Variants in HIC2 observed in about 807,000 individuals in gnomAD.
The protein encoded by HIC2 is hypermethylated in cancer 2 protein.
A neutral mutation model predicts 39.5 loss-of-function variants in HIC2; 2 were observed. The observed-to-expected ratio is 0.05, with a 90% confidence interval of 0.02 to 0.16. HIC2 has a LOEUF of 0.16. Ranked by LOEUF, HIC2 falls within the 10% of genes least tolerant of loss-of-function variation. The pLI, the probability that HIC2 is intolerant of heterozygous loss-of-function variation, is 1.00. For missense variants in HIC2, 713 were observed against 863.5 expected (o/e 0.83, Z 2.18); for synonymous variants, 399 against 368.8 (o/e 1.08, Z -0.94).
chr22:21,450,194 G>A lies in HIC2; in HGVS notation c.*3451G>A, dbSNP rs528327460. ...GGCTCCGCCACTGCATGCTCCCGCC[G>A]GACCGAGCCCCAGCAAGGGCTCCTC... is the stretch of plus-strand genomic sequence containing the variant. On this transcript the variant is annotated 3_prime_UTR_variant, in exon 3 of 3. Transcript: ENST00000407464. 3.3e-5 allele frequency: 5 copies of A among 152,316 alleles called. No individual in the cohort carries two copies. The highest frequency in any genetic ancestry group is 1.9e-4 in the East Asian group (1 of 5,260). 9.4% of individuals were successfully genotyped at this position (152,316 alleles called of 1,614,324 possible). A position where few individuals can be genotyped will look rare whatever the true frequency, so the allele number is the denominator to read the frequency against.
At position 21,445,231 on chromosome 22, in the gene HIC2, C is replaced by T. The variant is rs977978977; in HGVS notation, c.336C>T (p.Ala112=). Reference sequence around the variant, plus strand: ...AGCTGCTGCCCAGCGACCAGCCAGCCGAGCCCAACTTCAGCACCCTCCTCA... The same window carrying T: ...AGCTGCTGCCCAGCGACCAGCCAGCTGAGCCCAACTTCAGCACCCTCCTCA... ...TGKLLPSDQP[A]EPNFSTLLTA... The change falls in exon 3 of 3, where the codon GCC becomes GCT. Residue 112 remains alanine, a synonymous_variant. Transcript: ENST00000407464. The T allele has an allele frequency of 1.3e-5, 21 of 1,613,548 alleles. No homozygotes were observed. The highest frequency in any genetic ancestry group is 1.6e-4 in the Middle Eastern group (1 of 6,084).
rs1291462821 is a variant in HIC2, at chr22:21,447,459, G to A, written c.*716G>A. The A allele has an allele frequency of 6.5e-6, 1 of 152,680 alleles. No individual in the cohort carries two copies. The highest frequency in any genetic ancestry group is 2.4e-5 in the African/African-American group (1 of 41,446). The allele number at this position is 152,680 out of a possible 1,614,324, so 9.5% of individuals were successfully genotyped here. On this transcript the variant is annotated 3_prime_UTR_variant, in exon 3 of 3. Coordinates refer to ENST00000407464, the MANE Select transcript of HIC2 (RefSeq NM_015094.3). ...GGTCTGAAGACTGAATGTAACAGGGGCCGCTGGCACTCCTGCGCGTCCCCC... is the reference window on the plus strand; with the variant it reads ...GGTCTGAAGACTGAATGTAACAGGGACCGCTGGCACTCCTGCGCGTCCCCC...
At chr22:21,430,866 A>G (rs1234236476) in intron 1 of HIC2, among the ~76,000 whole-genome samples, 1 of 111,062 alleles carries the variant, frequency 9.0e-6, no homozygotes, top group Non-Finnish European at 1.7e-5. Context: ...GGAAGACTCA[A>G]AAAAAAAAAA....
At chr22:21,444,185 C>G (rs754721193) in intron 2 of HIC2, among the ~76,000 whole-genome samples, 8 of 152,234 alleles carry the variant, frequency 5.3e-5, no homozygotes, top group Non-Finnish European at 8.8e-5. Flanking sequence ...TGGAGGCCAG[C>G]TGTCCACCTT....
chr22:21,448,612 T>C lies in HIC2; in HGVS notation c.*1869T>C, dbSNP rs978488587. On this transcript the variant is annotated 3_prime_UTR_variant, in exon 3 of 3. Transcript: ENST00000407464. ...CAGAGTCATCCCCTACCCCCACCCCTCTAGAGACCCTCCAGCTAAAAACAG... is the reference window on the plus strand; with the variant it reads ...CAGAGTCATCCCCTACCCCCACCCCCCTAGAGACCCTCCAGCTAAAAACAG... The C allele has an allele frequency of 6.6e-6, 1 of 152,190 alleles. No homozygotes were observed. Among genetic ancestry groups the C allele is most frequent in the Non-Finnish European group, 1.5e-5 (1 of 67,946 alleles). The allele number at this position is 152,190 out of a possible 1,614,324, so 9.4% of individuals were successfully genotyped here.
In HIC2 at chr22:21,445,348, G is replaced by T; in HGVS notation, c.453G>T (p.Ala151=). The change falls in exon 3 of 3, where the codon GCG becomes GCT. Residue 151 remains alanine (A), a synonymous_variant. Coordinates refer to ENST00000407464, the MANE Select transcript of HIC2 (RefSeq NM_015094.3). Reference sequence around the variant, plus strand: ...GCAAGCCCTTTGGCTCTGGGAGGGCGGGGTCCACTGGCATGGGGCGGCCCC... The same window carrying T: ...GCAAGCCCTTTGGCTCTGGGAGGGCTGGGTCCACTGGCATGGGGCGGCCCC... ...RAGKPFGSGR[A]GSTGMGRPPR... is the part of the protein sequence containing the mutation. 6.3e-7 allele frequency: 1 copy of T among 1,579,220 alleles called. No homozygotes were observed. The highest frequency in any genetic ancestry group is 1.2e-5 in the South Asian group (1 of 84,084).
Position 21,445,117 on chromosome 22 carries a change from G to C in HIC2, c.222G>C (p.Leu74=), listed in dbSNP as rs756781138. The change falls in exon 3 of 3, where the codon CTG becomes CTC. Residue 74 remains leucine (L), a synonymous_variant. Transcript: ENST00000407464. ...LAASSIYFKS[L]VLHDNLINLD... is the part of the protein sequence containing the mutation. Reference sequence around the variant, plus strand: ...CCAGCAGCATCTATTTCAAGTCCCTGGTCCTGCACGACAACCTCATCAACC... The same window carrying C: ...CCAGCAGCATCTATTTCAAGTCCCTCGTCCTGCACGACAACCTCATCAACC... 2 of 1,614,196 alleles carry C rather than the reference G, an allele frequency of 1.2e-6. No individual in the cohort carries two copies.
In HIC2 at chr22:21,445,760, G is replaced by A. The variant is rs138601828; in HGVS notation, c.865G>A (p.Val289Ile). Reference sequence around the variant, plus strand: ...GCCCCCTGCGGCCTCTGCTCCTCCCGTTGCCAACAGTGCCTCTTATTCTGA... The same window carrying A: ...GCCCCCTGCGGCCTCTGCTCCTCCCATTGCCAACAGTGCCTCTTATTCTGA... ...GSPPAASAPP[V>I]ANSASYSELG... is the part of the protein sequence containing the mutation. Residue 289 changes from valine to isoleucine, a missense_variant, in exon 3 of 3, where the codon GTT becomes ATT. By Grantham distance (29) the Val-to-Ile change is conservative. Coordinates refer to ENST00000407464, the MANE Select transcript of HIC2 (RefSeq NM_015094.3). 6,153 of 1,608,738 alleles carry A rather than the reference G, an allele frequency of 3.8e-3. 42 individuals are homozygous for A. Among genetic ancestry groups the A allele is most frequent in the Middle Eastern group, 0.021 (128 of 6,014 alleles).
rs1568943097 is a variant in HIC2, at chr22:21,444,988, G to A, written c.93G>A (p.Gln31=). 2.5e-6 allele frequency: 4 copies of A among 1,613,996 alleles called. No homozygotes were observed. In the East Asian group the frequency reaches 6.7e-5, roughly 27 times the overall value. The change falls in exon 3 of 3, where the codon CAG becomes CAA. Residue 31 remains glutamine, a synonymous_variant. Transcript: ENST00000407464. ...TGGAGCTGCCCAGCCACTCGAAGCA[G>A]CTCCTGCTGCAGCTGAACCAGCAGA... ...PDMELPSHSK[Q]LLLQLNQQRT...
intron 1 of HIC2, 126 bp downstream of exon 1, chr22:21,417,686 G>A (rs1387881603): frequency 1.4e-5 from 2 of 145,910 alleles, no homozygotes; most frequent in African/African-American, 2.5e-5. Flanking sequence ...GACTGCGCGC[G>A]TGGGGGACGC....
At position 21,446,113 on chromosome 22, in the gene HIC2, T is replaced by G; in HGVS notation, c.1218T>G (p.Ser406Arg). ...AGGAGGAGAACGGCAAGGATGCAAGTGAAGACAGTGCGCAGAGCGGGAGCG... is the reference window on the plus strand; with the variant it reads ...AGGAGGAGAACGGCAAGGATGCAAGGGAAGACAGTGCGCAGAGCGGGAGCG... Reference protein sequence around the residue: ...KEEEENGKDASEDSAQSGSEG... With the variant: ...KEEEENGKDAREDSAQSGSEG... The change falls in exon 3 of 3, where the codon AGT (serine) becomes AGG (arginine). Residue 406 changes from serine to arginine, a missense_variant. Ser to Arg is a moderately radical substitution (Grantham distance 110). Around this residue, in one of 5 missense-constraint regions of HIC2, gnomAD observed 457 missense variants for 420.2 expected, o/e 1.09. Coordinates refer to ENST00000407464, the MANE Select transcript of HIC2 (RefSeq NM_015094.3). 1 of 1,608,096 alleles carries G rather than the reference T, an allele frequency of 6.2e-7. No homozygotes were observed. Among genetic ancestry groups the G allele is most frequent in the Non-Finnish European group, 8.5e-7 (1 of 1,179,810 alleles).
rs1282376844 is a variant in HIC2 at position 21,417,429 on chromosome 22, G to GC, written c.-204dup. 7.3e-6 allele frequency: 1 copy of GC among 136,982 alleles called. No individual in the cohort carries two copies. The highest frequency in any genetic ancestry group is 2.7e-5 in the African/African-American group (1 of 37,444). 8.5% of individuals were successfully genotyped at this position (136,982 alleles called of 1,614,324 possible). On this transcript the variant is annotated 5_prime_UTR_variant, in exon 1 of 3. Coordinates refer to ENST00000407464, the MANE Select transcript of HIC2 (RefSeq NM_015094.3). ...GTGAGCGGCGCTCGGGGCGCGCTAGGCGGGGAGCCGAGCCGGGCTGGCGGC... is the reference window on the plus strand; with the variant it reads ...GTGAGCGGCGCTCGGGGCGCGCTAGGCCGGGGAGCCGAGCCGGGCTGGCGGC...
rs1923803953 is a variant in HIC2 at position 21,446,008 on chromosome 22, C to T, written c.1113C>T (p.Asp371=). 6.3e-7 allele frequency: 1 copy of T among 1,575,494 alleles called. No individual in the cohort carries two copies. Among genetic ancestry groups the T allele is most frequent in the East Asian group, 2.3e-5 (1 of 44,244 alleles). ...GAGAGGAGGGTGAGGGGGTCGGGGA[C>T]AGGGTTCCCAATGGCATCCTGGCTA... The part of the protein sequence containing the change: ...CPGEEGEGVG[D]RVPNGILASG... The change falls in exon 3 of 3, where the codon GAC becomes GAT. Residue 371 remains aspartate (D), a synonymous_variant. Coordinates refer to ENST00000407464, the MANE Select transcript of HIC2 (RefSeq NM_015094.3).
At chr22:21,444,831 G>A in intron 2 of HIC2, 91 bp from the exon 3 acceptor site, 2 of 1,430,228 alleles carry the variant, frequency 1.4e-6, no homozygotes, top group Admixed American at 2.0e-5. Context: ...CAGTTCTGAG[G>A]CCCTTTGCCT....
In HIC2 at chr22:21,450,387, CGGG is replaced by C. The variant is rs893358954; in HGVS notation, c.*3647_*3649del. The C allele has an allele frequency of 2.0e-5, 3 of 152,942 alleles. No individual in the cohort carries two copies. Among genetic ancestry groups the C allele is most frequent in the Admixed American group, 6.5e-5 (1 of 15,280 alleles). The allele number at this position is 152,942 out of a possible 1,614,324, so 9.5% of individuals were successfully genotyped here. On this transcript the variant is annotated 3_prime_UTR_variant, in exon 3 of 3. Coordinates refer to ENST00000407464, the MANE Select transcript of HIC2 (RefSeq NM_015094.3). ...TGTGTGTTTACCGTTCATCACCACT[CGGG>C]GGCACCGGGCCGCCCACCCACTCCC...
chr22:21,446,502 A>T lies in HIC2; in HGVS notation c.1607A>T (p.Asn536Ile). The T allele has an allele frequency of 6.2e-7, 1 of 1,612,870 alleles. No homozygotes were observed. Among genetic ancestry groups the T allele is most frequent in the Non-Finnish European group, 8.5e-7 (1 of 1,180,028 alleles). Residue 536 changes from asparagine (N) to isoleucine (I), a missense_variant, in exon 3 of 3, where the codon AAC becomes ATC. By Grantham distance (149) the Asn-to-Ile change is moderately radical (BLOSUM62 -3). Around this residue, in one of 5 missense-constraint regions of HIC2, gnomAD observed 103 missense variants for 103.4 expected, o/e 1.00. Coordinates refer to ENST00000407464, the MANE Select transcript of HIC2 (RefSeq NM_015094.3). ...THWLTRPFPC[N>I]ICGKMFTQRG... The stretch of plus-strand genomic sequence containing the variant: ...TGGCTGACACGGCCCTTCCCCTGCA[A>T]CATCTGTGGCAAAATGTTCACGCAG...
In HIC2 at chr22:21,444,942, G is replaced by A. The variant is rs764207081; in HGVS notation, c.47G>A (p.Arg16His). Reference protein sequence around the residue: ...LALRWCAWAGRGDMGPDMELP... With the variant: ...LALRWCAWAGHGDMGPDMELP... ...CACAGGTGGTGCGCGTGGGCAGGGC[G>A]CGGGGACATGGGGCCCGACATGGAG... Residue 16 changes from arginine to histidine, a missense_variant, in exon 3 of 3, where the codon CGC becomes CAC. Around this residue, in one of 5 missense-constraint regions of HIC2, gnomAD observed 102 missense variants for 187.1 expected, o/e 0.55. Transcript: ENST00000407464. 1.7e-5 allele frequency: 28 copies of A among 1,612,494 alleles called. No homozygotes were observed. Among genetic ancestry groups the A allele is most frequent in the Admixed American group, 1.0e-4 (6 of 59,990 alleles).
intron 2 of HIC2, among the ~76,000 whole-genome samples, chr22:21,444,181 C>G (rs1275951953): frequency 6.6e-6 from 1 of 152,240 alleles, no homozygotes; most frequent in African/African-American, 2.4e-5. Flanking sequence ...GTGATGGAGG[C>G]CAGCTGTCCA....
chr22:21,446,398 G>A lies in HIC2; in HGVS notation c.1503G>A (p.Glu501=), dbSNP rs369528258. 16 of 1,612,066 alleles carry A rather than the reference G, an allele frequency of 9.9e-6. No individual in the cohort carries two copies. In the African/African-American group the frequency reaches 1.3e-4, roughly 13 times the overall value. Residue 501 remains glutamate, a synonymous_variant, in exon 3 of 3, where the codon GAG becomes GAA. Coordinates refer to ENST00000407464, the MANE Select transcript of HIC2 (RefSeq NM_015094.3). The part of the protein sequence containing the change: ...LSAPSAAYTA[E]PRPFKCSVCE... ...CACCCAGTGCGGCCTACACGGCTGAGCCCCGGCCCTTCAAGTGTTCGGTCT... is the reference window on the plus strand; with the variant it reads ...CACCCAGTGCGGCCTACACGGCTGAACCCCGGCCCTTCAAGTGTTCGGTCT...
Sources: gnomAD v4.1 joint callset for allele counts (sites outside exome capture counted in the v4.1 genomes callset) on GRCh38, gnomAD v4.1.1 for gene constraint, gnomAD v4.1.1 regional missense constraint, MANE v1.5 for transcripts, NCBI Gene and HGNC (gene_info 2026-07-23, HGNC 2026-07-21) for gene names.